RSPO2: variants seen among roughly 807,000 people sequenced by gnomAD.
RSPO2 encodes R-spondin 2, also known as R-spondin-2.
In RSPO2, 14 loss-of-function variants were observed where a neutral mutation model predicts 30.9. That is an observed-to-expected ratio of 0.45 (90% CI 0.30 to 0.71). The LOEUF (loss-of-function observed/expected upper bound fraction) is 0.71. Ranked by LOEUF, RSPO2 falls within the 30% of genes least tolerant of loss-of-function variation. RSPO2 has a pLI of 0.08. For missense variants in RSPO2, 264 were observed against 301.9 expected (o/e 0.87, Z 0.93); for synonymous variants, 107 against 96.4 (o/e 1.11, Z -0.64).
At chr8:107,999,240 T>C (rs1226123749) in intron 2 of RSPO2, among the ~76,000 whole-genome samples, 4 of 152,126 alleles carry the variant, frequency 2.6e-5, no homozygotes, top group Non-Finnish European at 5.9e-5. Flanking sequence ...GAATAAAAGA[T>C]TGGACATATA....
At chr8:108,081,805 G>T in intron 2 of RSPO2, 1 of 569,058 alleles carries the variant, frequency 1.8e-6, no homozygotes, top group Non-Finnish European at 2.2e-6. Context: ...AGCCTCCACC[G>T]GTGTGGCTGC....
chr8:107,905,187 T>C (rs1811598684), intron 5 of RSPO2, among the ~76,000 whole-genome samples: 1 of 152,088 alleles, frequency 6.6e-6, no homozygotes, highest in Non-Finnish European at 1.5e-5. Flanking sequence ...TCACTGGGTA[T>C]AGGTAAGAAT....
At chr8:107,930,526 T>A (rs953798780) in intron 5 of RSPO2, among the ~76,000 whole-genome samples, 1 of 152,216 alleles carries the variant, frequency 6.6e-6, no homozygotes, top group Admixed American at 6.5e-5. Flanking sequence ...TACTCATTCA[T>A]CTAACCTTTG....
At chr8:107,918,654 TAA>T (rs1227440079) in intron 5 of RSPO2, among the ~76,000 whole-genome samples, 1 of 152,180 alleles carries the variant, frequency 6.6e-6, no homozygotes, top group Non-Finnish European at 1.5e-5. Flanking sequence ...CCTCAGCTTT[TAA>T]AAAGTCTTAT....
At chr8:108,076,090 C>T (rs1813005607) in intron 2 of RSPO2, among the ~76,000 whole-genome samples, 1 of 152,094 alleles carries the variant, frequency 6.6e-6, no homozygotes, top group South Asian at 2.1e-4. Context: ...CAGAAAATTC[C>T]AGGAAGGCTT....
At chr8:107,953,778 G>A (rs1813328591) in intron 5 of RSPO2, among the ~76,000 whole-genome samples, 1 of 152,044 alleles carries the variant, frequency 6.6e-6, no homozygotes, top group South Asian at 2.1e-4. Flanking sequence ...TATGGCAGGA[G>A]AATCAAGGAT....
intron 5 of RSPO2, among the ~76,000 whole-genome samples, chr8:107,925,157 G>A (rs1812319160): frequency 6.6e-6 from 1 of 151,844 alleles, no homozygotes; most frequent in Non-Finnish European, 1.5e-5. Context: ...GGTTAAGGTT[G>A]AGAGGGGATG....
intron 3 of RSPO2, among the ~76,000 whole-genome samples, chr8:107,985,432 A>G (rs1814589377): frequency 6.6e-6 from 1 of 152,074 alleles, no homozygotes; most frequent in Admixed American, 6.5e-5. Flanking sequence ...CTATAGTATA[A>G]CCATTCAGTA....
chr8:107,927,808 A>G (rs988575799), intron 5 of RSPO2, among the ~76,000 whole-genome samples: 1 of 149,866 alleles, frequency 6.7e-6, no homozygotes, highest in Non-Finnish European at 1.5e-5. Context: ...CCAGTATTTT[A>G]TTGAGGATTT....
At chr8:107,937,564 C>T (rs1334431802) in intron 5 of RSPO2, among the ~76,000 whole-genome samples, 1 of 151,484 alleles carries the variant, frequency 6.6e-6, no homozygotes, top group African/African-American at 2.4e-5. Flanking sequence ...CACTGCTTTG[C>T]TGCCCTTGCT....
At chr8:108,035,963 T>TAC (rs1811583931) in intron 2 of RSPO2, among the ~76,000 whole-genome samples, 1 of 152,172 alleles carries the variant, frequency 6.6e-6, no homozygotes, top group Non-Finnish European at 1.5e-5. Flanking sequence ...GTAAATATAT[T>TAC]ACAAAGATAG....
intron 2 of RSPO2, among the ~76,000 whole-genome samples, chr8:107,999,461 G>A (rs1266949280): frequency 6.6e-6 from 1 of 152,098 alleles, no homozygotes; most frequent in East Asian, 1.9e-4. Context: ...TTGAGACAAA[G>A]TCTTACTGTG....
At chr8:107,981,510 G>T (rs1814430827) in intron 3 of RSPO2, among the ~76,000 whole-genome samples, 1 of 146,230 alleles carries the variant, frequency 6.8e-6, no homozygotes, top group South Asian at 2.2e-4. Flanking sequence ...GACAAAGTGA[G>T]GCTGTCTCAG....
intron 2 of RSPO2, among the ~76,000 whole-genome samples, chr8:108,079,219 A>C (rs1247410760): frequency 6.6e-6 from 1 of 152,152 alleles, no homozygotes; most frequent in Non-Finnish European, 1.5e-5. Context: ...GCTTTTCAAA[A>C]TGTTGGCATG....
chr8:108,029,099 A>G (rs1010921841), intron 2 of RSPO2, among the ~76,000 whole-genome samples: 1 of 100,660 alleles, frequency 9.9e-6, no homozygotes, highest in African/African-American at 3.7e-5. Flanking sequence ...TTTTGCCTAA[A>G]AAGGAAATCC....
intron 2 of RSPO2, among the ~76,000 whole-genome samples, chr8:108,008,782 A>C (rs7844389): frequency 0.25 from 37,325 of 148,626 alleles, 4,969 homozygotes; most frequent in Middle Eastern, 0.36. Context: ...AAAGGTCATA[A>C]ACTGCAAAAA....
chr8:107,972,620 C>A (rs770468012), intron 3 of RSPO2, among the ~76,000 whole-genome samples: 1 of 151,848 alleles, frequency 6.6e-6, no homozygotes, highest in Non-Finnish European at 1.5e-5. Context: ...TAACCATAAA[C>A]CAAGCAGAAA....
At chr8:107,963,593 G>T (rs369188496) in intron 3 of RSPO2, among the ~76,000 whole-genome samples, 4 of 139,278 alleles carry the variant, frequency 2.9e-5, no homozygotes, top group Non-Finnish European at 6.1e-5. Flanking sequence ...ATAAAACTAC[G>T]TATGTGTGCG....
intron 2 of RSPO2, among the ~76,000 whole-genome samples, chr8:108,037,087 C>T (rs1046286256): frequency 1.3e-5 from 2 of 152,138 alleles, no homozygotes; most frequent in Non-Finnish European, 1.5e-5. Flanking sequence ...GAGGAGGAGT[C>T]CTATATCTCT....
Sources: gnomAD v4.1 joint callset for allele counts (sites outside exome capture counted in the v4.1 genomes callset) on GRCh38, gnomAD v4.1.1 for gene constraint, MANE v1.5 for transcripts, NCBI Gene and HGNC (gene_info 2026-07-23, HGNC 2026-07-21) for gene names.